Variants in STRN observed in about 807,000 individuals in gnomAD.
The protein encoded by STRN is protein phosphatase 2 regulatory subunit B'''alpha.
A neutral mutation model predicts 96.3 loss-of-function variants in STRN; 53 were observed. The observed-to-expected ratio is 0.55, with a 90% confidence interval of 0.44 to 0.69. The LOEUF is 0.69. STRN is among the 30% of genes least tolerant of loss of function. The probability of loss-of-function intolerance (pLI) is 0.00; values close to 1 mark genes in which losing one functional copy is unlikely to be tolerated. For missense variants in STRN, 987 were observed against 963.9 expected (o/e 1.02, Z -0.32); for synonymous variants, 428 against 355.9 (o/e 1.20, Z -2.28).
At chr2:36,915,169 G>T (rs1296567663) in intron 3 of STRN, among the ~76,000 whole-genome samples, 1 of 143,564 alleles carries the variant, frequency 7.0e-6, no homozygotes, top group African/African-American at 2.5e-5. Flanking sequence ...TGCACTCCAG[G>T]CTGGGTGACA....
At chr2:36,900,438 G>C (rs1023910689) in intron 5 of STRN, among the ~76,000 whole-genome samples, 1 of 151,994 alleles carries the variant, frequency 6.6e-6, no homozygotes, top group African/African-American at 2.4e-5. Context: ...AACAGCTAAA[G>C]TAAAAGAGAA....
chr2:36,864,984 G>C (rs895705829), intron 12 of STRN, among the ~76,000 whole-genome samples: 6 of 152,182 alleles, frequency 3.9e-5, no homozygotes, highest in Admixed American at 3.3e-4. Context: ...CAAAGTGCTG[G>C]GATTACAGGC....
intron 12 of STRN, among the ~76,000 whole-genome samples, chr2:36,863,184 C>A (rs1226945471): frequency 3.3e-5 from 5 of 151,932 alleles, no homozygotes; most frequent in Non-Finnish European, 7.4e-5. Flanking sequence ...AATTAGGTCC[C>A]ATTTGTCATT....
chr2:36,958,735 A>C (rs1664954038), intron 1 of STRN, among the ~76,000 whole-genome samples: 1 of 152,244 alleles, frequency 6.6e-6, no homozygotes, highest in Admixed American at 6.5e-5. Flanking sequence ...AATCGAGGAC[A>C]AACCTAACAA....
chr2:36,907,240 T>A (rs779919967), intron 3 of STRN, among the ~76,000 whole-genome samples: 2 of 152,114 alleles, frequency 1.3e-5, no homozygotes, highest in Non-Finnish European at 2.9e-5. Flanking sequence ...AAAATTTATT[T>A]GGTGACATTT....
intron 6 of STRN, among the ~76,000 whole-genome samples, chr2:36,894,753 G>A (rs189344019): frequency 5.3e-5 from 8 of 152,176 alleles, no homozygotes; most frequent in Admixed American, 4.6e-4. Flanking sequence ...CTGGGCTATT[G>A]TGAGTGGCTT....
At position 36,855,328 on chromosome 2, in the gene STRN, T is replaced by C. The variant is rs1572624102; in HGVS notation, c.1862A>G (p.Asp621Gly). The part of the protein sequence containing the change: ...TKELGIPASV[D>G]LVSSDPSHMV... ...ATGGCTCGGGTCACTGCTCACTAGA[T>C]CCACAGAGGCAGGGATTCCCAGTTC... The change falls in exon 15 of 18, where the codon GAT (aspartate) becomes GGT (glycine). Residue 621 changes from aspartate to glycine, a missense_variant. Physicochemically the swap from Asp to Gly is moderately conservative, Grantham distance 94. Coordinates refer to ENST00000263918, the MANE Select transcript of STRN (RefSeq NM_003162.4). 6.2e-7 allele frequency: 1 copy of C among 1,613,542 alleles called. No individual in the cohort carries two copies. The highest frequency in any genetic ancestry group is 8.5e-7 in the Non-Finnish European group (1 of 1,179,748).
At chr2:36,929,618 C>CAG in intron 1 of STRN, among the ~76,000 whole-genome samples, 1 of 152,068 alleles carries the variant, frequency 6.6e-6, no homozygotes, top group Non-Finnish European at 1.5e-5. Context: ...CTCCTGACCT[C>CAG]GTGATCCACC....
chr2:36,951,452 A>G (rs531117435), intron 1 of STRN, among the ~76,000 whole-genome samples: 2 of 152,366 alleles, frequency 1.3e-5, no homozygotes, highest in African/African-American at 2.4e-5. Flanking sequence ...AGAACTAGCA[A>G]GCAGCAAAAG....
intron 1 of STRN, among the ~76,000 whole-genome samples, chr2:36,956,503 T>C (rs779151802): frequency 2.6e-5 from 4 of 152,124 alleles, no homozygotes; most frequent in Non-Finnish European, 5.9e-5. Flanking sequence ...CCAAGGACAA[T>C]TTTATTTCTA....
intron 12 of STRN, among the ~76,000 whole-genome samples, chr2:36,862,182 G>C (rs2540931): frequency 0.88 from 133,719 of 152,198 alleles, 60,282 homozygotes; most frequent in Non-Finnish European, 0.98. Flanking sequence ...GGGCATTTAG[G>C]GTGACTCCAT....
At chr2:36,923,337 G>A (rs1670311905) in intron 2 of STRN, among the ~76,000 whole-genome samples, 1 of 150,418 alleles carries the variant, frequency 6.6e-6, no homozygotes, top group Non-Finnish European at 1.5e-5. Flanking sequence ...TGTAGTCCCA[G>A]CAACTCGGGA....
intron 1 of STRN, among the ~76,000 whole-genome samples, chr2:36,929,212 T>C (rs1352358006): frequency 6.6e-6 from 1 of 152,202 alleles, no homozygotes; most frequent in Non-Finnish European, 1.5e-5. Context: ...TATTTAAGTC[T>C]GCATGACAAA....
Position 36,848,946 on chromosome 2 carries a change from G to GT in STRN, c.*509dup, listed in dbSNP as rs1342606667. The GT allele has an allele frequency of 1.3e-5, 2 of 153,626 alleles. No homozygotes were observed. Among genetic ancestry groups the GT allele is most frequent in the East Asian group, 3.8e-4 (2 of 5,218 alleles). The allele number at this position is 153,626 out of a possible 1,614,324, so 9.5% of individuals were successfully genotyped here. ...AAAGGAGAGTCAAATTAAAAACTCA[G>GT]TTTAACACTGCCTGGTCATTATACA... On this transcript the variant is annotated 3_prime_UTR_variant, in exon 18 of 18. Transcript: ENST00000263918.
In STRN at chr2:36,883,778, C is replaced by T. The variant is rs549436093; in HGVS notation, c.1186+154G>A. ...AAGATTGAAGTTGGAATCAAACTCC[C>T]TTGAATGTAAGAAAGCTTGCATTTG... On this transcript the variant is annotated intron_variant, in intron 9 of 17. Coordinates refer to ENST00000263918, the MANE Select transcript of STRN (RefSeq NM_003162.4). Among the ~76,000 whole-genome samples, 19 of 152,254 alleles carry T rather than the reference C, an allele frequency of 1.2e-4. No homozygotes were observed. The East Asian group carries it at 3.7e-3, about 29-fold the overall frequency.
chr2:36,868,444 T>C (rs1006813428), intron 11 of STRN, among the ~76,000 whole-genome samples: 4 of 152,222 alleles, frequency 2.6e-5, no homozygotes, highest in Admixed American at 1.3e-4. Context: ...GTTTATTCAT[T>C]ACTCAGAACA....
In STRN at chr2:36,860,759, CA is replaced by C. The variant is rs370372813; in HGVS notation, c.1669+372del. Reference sequence around the variant, plus strand: ...CAATAATTGACCAAGGGGATGGCACCAACATTCATTTTCCTTAAAAGTTGTT... The same window carrying C: ...CAATAATTGACCAAGGGGATGGCACCACATTCATTTTCCTTAAAAGTTGTT... On this transcript the variant is annotated intron_variant, in intron 13 of 17. Coordinates refer to ENST00000263918, the MANE Select transcript of STRN (RefSeq NM_003162.4). Among the ~76,000 whole-genome samples the C allele has an allele frequency of 6.3e-4, 96 of 152,144 alleles. 1 individual carries two copies. Among genetic ancestry groups the C allele is most frequent in the African/African-American group, 2.1e-3 (89 of 41,536 alleles).
intron 12 of STRN, among the ~76,000 whole-genome samples, chr2:36,864,437 G>A (rs892181970): frequency 9.2e-5 from 14 of 152,132 alleles, no homozygotes; most frequent in Non-Finnish European, 1.5e-4. Context: ...TTTCAGTTCT[G>A]TTCATGTGAT....
Position 36,847,254 on chromosome 2 carries a change from G to C in STRN, c.*2202C>G, listed in dbSNP as rs1240221224. 2 of 152,172 alleles carry C rather than the reference G, an allele frequency of 1.3e-5. No homozygotes were observed. The highest frequency in any genetic ancestry group is 1.9e-4 in the East Asian group (1 of 5,190). The allele number at this position is 152,172 out of a possible 1,614,324, so 9.4% of individuals were successfully genotyped here. ...ATGAAGCATAAAATGAACGGGGGAAGAATGTCCTGGTTTTTAGAATTTCAG... is the reference window on the plus strand; with the variant it reads ...ATGAAGCATAAAATGAACGGGGGAACAATGTCCTGGTTTTTAGAATTTCAG... On this transcript the variant is annotated 3_prime_UTR_variant, in exon 18 of 18. Coordinates refer to ENST00000263918, the MANE Select transcript of STRN (RefSeq NM_003162.4).
Sources: gnomAD v4.1 joint callset for allele counts (sites outside exome capture counted in the v4.1 genomes callset) on GRCh38, gnomAD v4.1.1 for gene constraint, MANE v1.5 for transcripts, NCBI Gene and HGNC (gene_info 2026-07-23, HGNC 2026-07-21) for gene names.